The following ZCCHC14 variants were observed in gnomAD, a reference collection of about 807,000 sequenced individuals.
ZCCHC14 encodes the protein zinc finger CCHC-type containing 14, also known as zinc finger CCHC domain-containing protein 14.
Under a neutral mutation model 85.0 loss-of-function variants are expected in ZCCHC14, and 16 were observed. The observed-to-expected ratio is 0.19, with a 90% CI of 0.13 to 0.29. The LOEUF (loss-of-function observed/expected upper bound fraction) is 0.29, where lower values mean the gene tolerates loss of function less well. Among genes scored for constraint, ZCCHC14 ranks in the 10% least tolerant of loss-of-function variants. The pLI is 1.00. For missense variants in ZCCHC14, 1,303 were observed against 1,443.5 expected, an observed-to-expected ratio of 0.90 and a Z score of 1.58; for synonymous variants, 775 against 630.7, an observed-to-expected ratio of 1.23 and a Z score of -3.43.
chr16:87,483,161 A>C (rs1257999194), intron 1 of ZCCHC14, among the ~76,000 whole-genome samples: 1 of 152,014 alleles, frequency 6.6e-6, no homozygotes, highest in African/African-American at 2.4e-5. Flanking sequence ...CGGAGTTTCT[A>C]AAAACTAAGA....
At position 87,411,707 on chromosome 16, in the gene ZCCHC14, G is replaced by C. The variant is rs1371126122; in HGVS notation, c.3014C>G (p.Ser1005Cys). ...GTPDPVLSGQ[S>C]TFAVPPMQNF... The stretch of plus-strand genomic sequence containing the variant: ...CTGCATGGGTGGCACGGCAAACGTG[G>C]ACTGCCCACTCAGGACAGGGTCTGG... Residue 1005 changes from serine (S) to cysteine (C), a missense_variant, in exon 12 of 13, where the codon TCC becomes TGC. Transcript: ENST00000671377. The C allele has an allele frequency of 1.2e-6, 2 of 1,614,110 alleles. No homozygotes were observed. Among genetic ancestry groups the C allele is most frequent in the Non-Finnish European group, 8.5e-7 (1 of 1,180,030 alleles).
intron 1 of ZCCHC14, among the ~76,000 whole-genome samples, chr16:87,479,470 G>T (rs992377543): frequency 6.6e-6 from 1 of 150,768 alleles, no homozygotes; most frequent in Non-Finnish European, 1.5e-5. Context: ...TAATTCTATT[G>T]ATGCTTTTAT....
chr16:87,429,948 T>C (rs1251493434), intron 3 of ZCCHC14, among the ~76,000 whole-genome samples: 1 of 152,280 alleles, frequency 6.6e-6, no homozygotes, highest in African/African-American at 2.4e-5. Flanking sequence ...GAATTCTTTA[T>C]ACATTTTGAA....
intron 8 of ZCCHC14, among the ~76,000 whole-genome samples, chr16:87,417,206 G>A (rs558437391): frequency 6.6e-6 from 1 of 152,278 alleles, no homozygotes. Flanking sequence ...TGTCCCTCCC[G>A]TCACGCAGAG....
intron 2 of ZCCHC14, among the ~76,000 whole-genome samples, chr16:87,457,900 G>A (rs767050722): frequency 7.2e-5 from 11 of 152,116 alleles, no homozygotes; most frequent in Admixed American, 2.6e-4. Context: ...AATGCTGCAG[G>A]TAATTAAGAG....
At chr16:87,463,634 C>T (rs1350535501) in intron 1 of ZCCHC14, among the ~76,000 whole-genome samples, 1 of 152,164 alleles carries the variant, frequency 6.6e-6, no homozygotes, top group East Asian at 1.9e-4. Context: ...GCCTGGCCAA[C>T]ATGGTGAATG....
At chr16:87,482,270 T>G (rs1021310516) in intron 1 of ZCCHC14, among the ~76,000 whole-genome samples, 45 of 152,182 alleles carry the variant, frequency 3.0e-4, no homozygotes, top group African/African-American at 1.0e-3. Flanking sequence ...TCAGTGTGAC[T>G]GGCAAAACCA....
intron 2 of ZCCHC14, among the ~76,000 whole-genome samples, chr16:87,444,576 T>C (rs1224036256): frequency 1.3e-5 from 2 of 152,142 alleles, no homozygotes; most frequent in East Asian, 1.9e-4. Context: ...ACGGAACAAA[T>C]TGAGAGCTTG....
chr16:87,432,273 G>A (rs1270974163), intron 3 of ZCCHC14, among the ~76,000 whole-genome samples: 3 of 152,130 alleles, frequency 2.0e-5, no homozygotes, highest in African/African-American at 7.2e-5. Context: ...CTGGGAGCTC[G>A]GCACCATCAG....
intron 4 of ZCCHC14, among the ~76,000 whole-genome samples, chr16:87,421,366 A>G (rs1302158992): frequency 6.6e-6 from 1 of 152,164 alleles, no homozygotes; most frequent in Non-Finnish European, 1.5e-5. Context: ...CAGGGACAAT[A>G]CTTCCCTTCC....
intron 2 of ZCCHC14, among the ~76,000 whole-genome samples, chr16:87,455,060 G>A (rs1009734072): frequency 2.0e-5 from 3 of 152,310 alleles, no homozygotes; most frequent in East Asian, 1.9e-4. Flanking sequence ...AGGCCGAGGC[G>A]GGCAGATCAC....
intron 1 of ZCCHC14, among the ~76,000 whole-genome samples, chr16:87,468,786 T>C (rs36112963): frequency 0.26 from 39,382 of 152,116 alleles, 6,105 homozygotes; most frequent in South Asian, 0.6. Context: ...GCGATGCTGT[T>C]AAACATCCTG....
intron 1 of ZCCHC14, among the ~76,000 whole-genome samples, chr16:87,475,239 G>C (rs2334196): frequency 1.9e-4 from 29 of 151,952 alleles, no homozygotes; most frequent in Admixed American, 6.5e-4. Flanking sequence ...AAGAGAGAAA[G>C]AGAACATTTC....
In ZCCHC14 at chr16:87,407,425, T is replaced by C. The variant is rs1908252108; in HGVS notation, c.*2855A>G. ...TTCCTCAGTGCTCTTTAGCAATGAG[T>C]TTTTATGTTAAACACTTCCAACTGT... On this transcript the variant is annotated 3_prime_UTR_variant, in exon 13 of 13. Transcript: ENST00000671377. The C allele has an allele frequency of 2.0e-5, 3 of 152,176 alleles. No individual in the cohort carries two copies. The highest frequency in any genetic ancestry group is 6.5e-5 in the Admixed American group (1 of 15,280). The allele number at this position is 152,176 out of a possible 1,614,324, so 9.4% of individuals were successfully genotyped here.
chr16:87,422,178 C>G (rs1291903006), intron 4 of ZCCHC14, among the ~76,000 whole-genome samples: 1 of 152,108 alleles, frequency 6.6e-6, no homozygotes, highest in African/African-American at 2.4e-5. Flanking sequence ...GGCAAAAACA[C>G]AAAAGAAACC....
rs756852724 is a variant in ZCCHC14, at chr16:87,417,611, T to C, written c.1232A>G (p.Tyr411Cys). Residue 411 changes from tyrosine to cysteine, a missense_variant, in exon 8 of 13, where the codon TAC becomes TGC. Physicochemically the swap from Tyr to Cys is radical, Grantham distance 194. Transcript: ENST00000671377. ...AGGTGATGTGTCCATCTGGGTCCGG[T>C]AGGCCAGGGCTGAGCCCGCGCTGCC... Reference protein sequence around the residue: ...HAGSAGSALAYRTQMDTSPAI... With the variant: ...HAGSAGSALACRTQMDTSPAI... 6.2e-7 allele frequency: 1 copy of C among 1,614,204 alleles called. No individual in the cohort carries two copies. The highest frequency in any genetic ancestry group is 8.5e-7 in the Non-Finnish European group (1 of 1,180,018).
intron 8 of ZCCHC14, among the ~76,000 whole-genome samples, chr16:87,416,331 AACAC>A (rs1481564723): frequency 6.6e-6 from 1 of 152,246 alleles, no homozygotes; most frequent in Non-Finnish European, 1.5e-5. Flanking sequence ...GTGCTACGCA[AACAC>A]ACCAGCCTCT....
chr16:87,442,092 G>A (rs942598141), intron 2 of ZCCHC14, among the ~76,000 whole-genome samples: 1 of 152,376 alleles, frequency 6.6e-6, no homozygotes, highest in East Asian at 1.9e-4. Flanking sequence ...AGCAGAGAGG[G>A]AAGATTTCAG....
chr16:87,490,354 A>C (rs1912696620), intron 1 of ZCCHC14, among the ~76,000 whole-genome samples: 4 of 152,274 alleles, frequency 2.6e-5, no homozygotes, highest in African/African-American at 9.6e-5. Context: ...GCAAAGAGAC[A>C]CTGAGCAAGA....
Sources: allele counts gnomAD v4.1 joint callset (sites outside exome capture counted in the v4.1 genomes callset), GRCh38; gene constraint gnomAD v4.1.1; transcripts MANE v1.5; gene names NCBI Gene and HGNC (gene_info 2026-07-23, HGNC 2026-07-21).